GDPD5: variants seen among roughly 807,000 people sequenced by gnomAD.
GDPD5 encodes the protein glycerophosphodiester phosphodiesterase domain containing 5, also known as glycerophosphodiester phosphodiesterase 2.
Under a neutral mutation model 75.1 loss-of-function variants are expected in GDPD5, and 48 were observed. The observed-to-expected ratio is 0.64, with a 90% confidence interval of 0.51 to 0.81. The LOEUF is 0.81. Ranked by LOEUF, GDPD5 falls within the 40% of genes least tolerant of loss-of-function variation. The pLI, the probability that GDPD5 is intolerant of heterozygous loss-of-function variation, is 0.00. For missense variants in GDPD5, 706 were observed against 822.6 expected (o/e 0.86, Z 1.73); for synonymous variants, 336 against 339.0 (o/e 0.99, Z 0.10).
At chr11:75,520,826 C>T (rs749545643) in intron 1 of GDPD5, among the ~76,000 whole-genome samples, 2 of 152,256 alleles carry the variant, frequency 1.3e-5, no homozygotes, top group African/African-American at 4.8e-5. Context: ...CGCTGTGGCC[C>T]GGCCAGCCTG....
intron 6 of GDPD5, among the ~76,000 whole-genome samples, chr11:75,450,212 C>T (rs1592075048): frequency 6.6e-6 from 1 of 152,004 alleles, no homozygotes; most frequent in South Asian, 2.1e-4. Flanking sequence ...GGCCGGCAGA[C>T]CCAGCGAGGA....
chr11:75,481,568 G>C (rs982442893), intron 2 of GDPD5, among the ~76,000 whole-genome samples: 4 of 152,064 alleles, frequency 2.6e-5, no homozygotes, highest in Admixed American at 6.5e-5. Flanking sequence ...GGGCTAGAGA[G>C]ACCATGGGTG....
At chr11:75,460,389 A>G (rs530996497) in intron 4 of GDPD5, among the ~76,000 whole-genome samples, 1 of 152,202 alleles carries the variant, frequency 6.6e-6, no homozygotes, top group Non-Finnish European at 1.5e-5. Flanking sequence ...CCCAGGAAGC[A>G]ACCCTCATGT....
chr11:75,520,428 T>G (rs753590968), intron 1 of GDPD5, among the ~76,000 whole-genome samples: 2 of 152,184 alleles, frequency 1.3e-5, no homozygotes, highest in Non-Finnish European at 2.9e-5. Flanking sequence ...CTGCCTCCCC[T>G]GGCCCGGAGG....
chr11:75,459,643 T>C (rs1949369735), intron 4 of GDPD5, among the ~76,000 whole-genome samples: 1 of 152,036 alleles, frequency 6.6e-6, no homozygotes, highest in Non-Finnish European at 1.5e-5. Context: ...ACCCCGTCTC[T>C]ACTAAAAATA....
intron 1 of GDPD5, among the ~76,000 whole-genome samples, chr11:75,516,949 C>T (rs1038985963): frequency 2.6e-5 from 4 of 152,156 alleles, no homozygotes; most frequent in African/African-American, 4.8e-5. Context: ...GTATGGCAGG[C>T]GCACCTCAAT....
Position 75,448,577 on chromosome 11 carries a change from C to T in GDPD5, c.714+400G>A, listed in dbSNP as rs12292511. On this transcript the variant is annotated intron_variant, in intron 9 of 16. Transcript: ENST00000336898. ...CCCTTCGTCTTTCTCCAACTCACGT[C>T]GGTTCAGCCGTACTCACTGTCACAG... is the stretch of plus-strand genomic sequence containing the variant. 2.2e-3 allele frequency: 2,158 copies of T among 997,100 alleles called. 33 individuals carry two copies. The African/African-American group carries it at 0.035, about 16-fold the overall frequency. The allele number at this position is 997,100 out of a possible 1,614,324, so 61.8% of individuals were successfully genotyped here.
intron 1 of GDPD5, among the ~76,000 whole-genome samples, chr11:75,509,808 G>A (rs1263506962): frequency 1.3e-5 from 2 of 152,100 alleles, no homozygotes; most frequent in African/African-American, 4.8e-5. Flanking sequence ...GCCTCCCGAG[G>A]AGCTGGGATT....
intron 9 of GDPD5, 117 bp downstream of exon 9, chr11:75,448,860 C>A: frequency 7.9e-7 from 1 of 1,261,548 alleles, no homozygotes; most frequent in Non-Finnish European, 1.0e-6. Flanking sequence ...TTCCCATGTA[C>A]CTCCCCTCAA....
At chr11:75,443,311 G>C in intron 10 of GDPD5, 25 bp from the exon 11 acceptor site, 1 of 1,589,808 alleles carries the variant, frequency 6.3e-7, no homozygotes, top group East Asian at 2.3e-5. Flanking sequence ...GGGCCACCGA[G>C]TCAGTGACCC....
At chr11:75,464,035 G>C (rs1305632413) in intron 3 of GDPD5, among the ~76,000 whole-genome samples, 5 of 152,210 alleles carry the variant, frequency 3.3e-5, no homozygotes, top group African/African-American at 1.2e-4. Flanking sequence ...TGCTCACTGT[G>C]TCCCCCAGAC....
rs761516660 is a variant in GDPD5 at position 75,477,697 on chromosome 11, C to A, written c.39G>T (p.Gln13His). The A allele has an allele frequency of 6.3e-7, 1 of 1,597,180 alleles. No individual in the cohort carries two copies. Among genetic ancestry groups the A allele is most frequent in the Middle Eastern group, 1.7e-4 (1 of 5,924 alleles). Residue 13 changes from glutamine (Q) to histidine (H), a missense_variant, in exon 3 of 17, where the codon CAG (glutamine) becomes CAT (histidine). Physicochemically the swap from Gln to His is conservative, Grantham distance 24. Transcript: ENST00000336898. ...TGCCCGTGAGGCAGGAGAGGCACAG[C>A]TGTGGCTCGTAGTACTGCAGGGGCT... ...RHQPLQYYEP[Q>H]LCLSCLTGIY... is the part of the protein sequence containing the mutation.
At chr11:75,497,348 A>G (rs975921853) in intron 1 of GDPD5, among the ~76,000 whole-genome samples, 2 of 152,070 alleles carry the variant, frequency 1.3e-5, no homozygotes, top group East Asian at 3.9e-4. Flanking sequence ...GGTGGATCAA[A>G]GTTGTCTCCC....
At chr11:75,443,357 C>G in intron 10 of GDPD5, 71 bp from the exon 11 acceptor site, 3 of 1,499,712 alleles carry the variant, frequency 2.0e-6, no homozygotes, top group Non-Finnish European at 2.7e-6. Context: ...TGATCGTCAC[C>G]CCACACAGTC....
intron 1 of GDPD5, among the ~76,000 whole-genome samples, chr11:75,494,345 G>A (rs1950173511): frequency 6.6e-6 from 1 of 151,686 alleles, no homozygotes; most frequent in Admixed American, 6.6e-5. Flanking sequence ...AGCCTCCCAA[G>A]TGGCTGGGAT....
intron 12 of GDPD5, among the ~76,000 whole-genome samples, chr11:75,442,149 A>C (rs1166410705): frequency 6.6e-6 from 1 of 152,248 alleles, no homozygotes; most frequent in Non-Finnish European, 1.5e-5. Context: ...CTTCACTGAA[A>C]TAACTTGACC....
intron 13 of GDPD5, 83 bp from the exon 14 acceptor site, chr11:75,441,393 T>C: frequency 6.5e-7 from 1 of 1,537,356 alleles, no homozygotes; most frequent in Non-Finnish European, 8.9e-7. Context: ...GCACGTCCTG[T>C]TCACGACCTC....
At chr11:75,443,501 G>C (rs535576380) in intron 10 of GDPD5, among the ~76,000 whole-genome samples, 5 of 152,326 alleles carry the variant, frequency 3.3e-5, no homozygotes, top group African/African-American at 1.2e-4. Flanking sequence ...GTGAGGGTCA[G>C]ATGGGGGTGG....
intron 5 of GDPD5, among the ~76,000 whole-genome samples, chr11:75,457,132 C>T (rs1005504680): frequency 3.9e-5 from 6 of 152,214 alleles, no homozygotes; most frequent in East Asian, 3.8e-4. Flanking sequence ...TTCCAGTCCC[C>T]GGGATTCTGA....
Sources: allele counts gnomAD v4.1 joint callset (sites outside exome capture counted in the v4.1 genomes callset), GRCh38; gene constraint gnomAD v4.1.1; transcripts MANE v1.5; gene names NCBI Gene and HGNC (gene_info 2026-07-23, HGNC 2026-07-21).